CASC3: variants seen among roughly 807,000 people sequenced by gnomAD.
The protein encoded by CASC3 is protein CASC3.
In CASC3, 30 loss-of-function variants were observed where a neutral mutation model predicts 80.5. That is an observed-to-expected ratio of 0.37 (90% CI 0.28 to 0.51). The LOEUF is 0.51. Ranked by LOEUF, CASC3 falls within the 20% of genes least tolerant of loss-of-function variation. The probability of loss-of-function intolerance (pLI) is 0.94; values close to 1 mark genes in which losing one functional copy is unlikely to be tolerated. For synonymous variants in CASC3, 312 were observed against 333.6 expected (o/e 0.94, Z 0.70); for missense variants, 824 against 922.2 (o/e 0.89, Z 1.38).
chr17:40,170,891 A>T lies in CASC3; in HGVS notation c.*486A>T, dbSNP rs1203269703. On this transcript the variant is annotated 3_prime_UTR_variant, in exon 14 of 14. Transcript: ENST00000264645. ...TCTCTCCCTGCCTTTAAATGAAACA[A>T]GTCTAGTCTTCTGGTTTTCTAGCCC... 1 of 985,286 alleles carries T rather than the reference A, an allele frequency of 1.0e-6. No individual in the cohort carries two copies. Among genetic ancestry groups the T allele is most frequent in the African/African-American group, 1.7e-5 (1 of 57,170 alleles). 61.0% of individuals were successfully genotyped at this position (985,286 alleles called of 1,614,324 possible).
At chr17:40,141,647 A>G in intron 3 of CASC3, 40 bp downstream of exon 3, 1 of 1,541,692 alleles carries the variant, frequency 6.5e-7, no homozygotes, top group East Asian at 2.2e-5. Context: ...TAGATCAGAA[A>G]TGCTTTTTAA....
intron 3 of CASC3, among the ~76,000 whole-genome samples, chr17:40,144,246 G>A (rs1988794445): frequency 1.3e-5 from 2 of 151,800 alleles, no homozygotes; most frequent in African/African-American, 2.4e-5. Flanking sequence ...GCAACAAGAG[G>A]GAAACTCTGT....
rs1989575352 is a variant in CASC3 at position 40,170,836 on chromosome 17, A to AT, written c.*437dup. On this transcript the variant is annotated 3_prime_UTR_variant, in exon 14 of 14. Transcript: ENST00000264645. The stretch of plus-strand genomic sequence containing the variant: ...GCTTCTTATCCTTAATATTATTTTA[A>AT]TTTTTTCTCTTTGTTTCTGTTTCTT... 3.0e-6 allele frequency: 3 copies of AT among 984,148 alleles called. No individual in the cohort carries two copies. The highest frequency in any genetic ancestry group is 4.7e-5 in the South Asian group (1 of 21,228). 61.0% of individuals were successfully genotyped at this position (984,148 alleles called of 1,614,324 possible).
intron 3 of CASC3, among the ~76,000 whole-genome samples, chr17:40,156,732 A>G (rs1989155941): frequency 6.6e-6 from 1 of 152,062 alleles, no homozygotes; most frequent in Non-Finnish European, 1.5e-5. Flanking sequence ...CCTTTGGACA[A>G]CATGGGAGTT....
intron 7 of CASC3, 89 bp downstream of exon 7, chr17:40,164,255 C>CT: frequency 1.9e-6 from 2 of 1,052,256 alleles, no homozygotes; most frequent in Non-Finnish European, 2.7e-6. Context: ...AAGGTGGTGT[C>CT]TGACAAATGT....
chr17:40,150,402 G>T (rs1988971097), intron 3 of CASC3, among the ~76,000 whole-genome samples: 1 of 121,228 alleles, frequency 8.2e-6, no homozygotes, highest in African/African-American at 3.2e-5. Flanking sequence ...GCTTCAAAAA[G>T]TAAGAGTGTG....
chr17:40,141,742 G>A (rs907167707), intron 3 of CASC3, 135 bp downstream of exon 3: 1 of 784,734 alleles, frequency 1.3e-6, no homozygotes, highest in Non-Finnish European at 2.2e-6. Flanking sequence ...TTCTGAAAAA[G>A]TGTTACAGAA....
At chr17:40,168,461 A>C (rs1398703633) in intron 11 of CASC3, 44 bp downstream of exon 11, 1 of 1,537,288 alleles carries the variant, frequency 6.5e-7, no homozygotes, top group South Asian at 1.1e-5. Context: ...CACATTCTTT[A>C]ATTCAGACAG....
chr17:40,157,361 A>AT (rs758676286), intron 3 of CASC3, among the ~76,000 whole-genome samples: 2 of 148,702 alleles, frequency 1.3e-5, no homozygotes, highest in African/African-American at 2.5e-5. Context: ...AAATAAATAA[A>AT]TAAATAAATT....
rs1488715756 is a variant in CASC3, at chr17:40,168,312, TTAC to T, written c.1862_1864del (p.Tyr621del). On this transcript the variant is annotated inframe_deletion, in exon 11 of 14. Transcript: ENST00000264645. ...CACCTCAGCAGTTGCTTGCTCCTAC[TTAC>T]TTTTCTGCTCCAGGCGTCATGAACT... The T allele has an allele frequency of 6.2e-7, 1 of 1,614,172 alleles. No individual in the cohort carries two copies. Among genetic ancestry groups the T allele is most frequent in the South Asian group, 1.1e-5 (1 of 91,074 alleles).
chr17:40,141,406 G>A, intron 2 of CASC3, 164 bp from the exon 3 acceptor site: 3 of 832,130 alleles, frequency 3.6e-6, no homozygotes, highest in African/African-American at 1.7e-5. Context: ...TCTTCAGCAA[G>A]TTACCCTCTG....
chr17:40,157,342 C>T (rs1038966033), intron 3 of CASC3, among the ~76,000 whole-genome samples: 1 of 145,966 alleles, frequency 6.9e-6, no homozygotes, highest in Non-Finnish European at 1.5e-5. Flanking sequence ...GACTCCGTCT[C>T]AAATAAATAA....
Position 40,168,233 on chromosome 17 carries a change from T to C in CASC3, c.1781T>C (p.Leu594Pro), listed in dbSNP as rs1989502031. 1 of 1,614,132 alleles carries C rather than the reference T, an allele frequency of 6.2e-7. No homozygotes were observed. Among genetic ancestry groups the C allele is most frequent in the South Asian group, 1.1e-5 (1 of 91,084 alleles). Residue 594 changes from leucine to proline, a missense_variant, in exon 11 of 14, where the codon CTG becomes CCG. Leu to Pro is a moderately conservative substitution (Grantham distance 98, BLOSUM62 -3). Transcript: ENST00000264645. ...GLHPHQTPAP[L>P]PNPGLYPPPV... The stretch of plus-strand genomic sequence containing the variant: ...CATCCCCACCAGACACCAGCTCCTC[T>C]GCCCAATCCAGGCCTCTATCCCCCA...
At chr17:40,158,975 C>G (rs2145171119) in intron 3 of CASC3, among the ~76,000 whole-genome samples, 1 of 152,218 alleles carries the variant, frequency 6.6e-6, no homozygotes, top group East Asian at 1.9e-4. Flanking sequence ...GTGGCTCATG[C>G]CTGTAATCCT....
chr17:40,140,670 G>A lies in CASC3; in HGVS notation c.122G>A (p.Gly41Glu). 4 of 1,604,126 alleles carry A rather than the reference G, an allele frequency of 2.5e-6. No individual in the cohort carries two copies. The highest frequency in any genetic ancestry group is 1.1e-5 in the South Asian group (1 of 90,400). The change falls in exon 1 of 14, where the codon GGA becomes GAA. Residue 41 changes from glycine to glutamate, a missense_variant. Coordinates refer to ENST00000264645, the MANE Select transcript of CASC3 (RefSeq NM_007359.5). ...RGGGSCSGSA[G>E]GGGSGSLPSQ... is the part of the protein sequence containing the mutation. ...GGCGGGAGCTGCAGCGGTAGCGCCG[G>A]AGGCGGCGGCAGCGGCTCTCTGCCT...
At position 40,157,219 on chromosome 17, in the gene CASC3, C is replaced by T. The variant is rs373703123; in HGVS notation, c.298-4534C>T. On this transcript the variant is annotated intron_variant, in intron 3 of 13. Transcript: ENST00000264645. ...AATTAGCCAGGTTTGGTGGCGGGTG[C>T]GTGTAGTCCCAGCTACTCGGGAGGC... Among the ~76,000 whole-genome samples, 4 of 151,944 alleles carry T rather than the reference C, an allele frequency of 2.6e-5. No homozygotes were observed. The East Asian group carries it at 5.8e-4, about 22-fold the overall frequency.
chr17:40,147,604 C>T (rs1988892892), intron 3 of CASC3, among the ~76,000 whole-genome samples: 1 of 151,998 alleles, frequency 6.6e-6, no homozygotes, highest in Admixed American at 6.6e-5. Flanking sequence ...TGTGATCACT[C>T]CACAGCACTC....
rs1989593183 is a variant in CASC3 at position 40,171,525 on chromosome 17, C to G, written c.*1120C>G. 1.0e-6 allele frequency: 1 copy of G among 989,204 alleles called. No homozygotes were observed. Among genetic ancestry groups the G allele is most frequent in the Admixed American group, 5.9e-5 (1 of 16,932 alleles). The allele number at this position is 989,204 out of a possible 1,614,324, so 61.3% of individuals were successfully genotyped here. A position where few individuals can be genotyped will look rare whatever the true frequency, so the allele number is the denominator to read the frequency against. The stretch of plus-strand genomic sequence containing the variant: ...CTACAAGTGTTTTAGATGTTACTAC[C>G]TTATTTTCCCCGAATTCTATTTTTG... On this transcript the variant is annotated 3_prime_UTR_variant, in exon 14 of 14. Coordinates refer to ENST00000264645, the MANE Select transcript of CASC3 (RefSeq NM_007359.5).
intron 3 of CASC3, among the ~76,000 whole-genome samples, chr17:40,146,435 T>C (rs1337189634): frequency 6.9e-6 from 1 of 144,000 alleles, no homozygotes; most frequent in African/African-American, 2.9e-5. Context: ...ACGATTTCTT[T>C]TTTTTTTTTT....
Sources: allele counts gnomAD v4.1 joint callset (sites outside exome capture counted in the v4.1 genomes callset), GRCh38; gene constraint gnomAD v4.1.1; transcripts MANE v1.5; gene names NCBI Gene and HGNC (gene_info 2026-07-23, HGNC 2026-07-21).